RAD50: variants seen among roughly 807,000 people sequenced by gnomAD.
RAD50 encodes the protein RAD50 double strand break repair protein.
In RAD50, 132 loss-of-function variants were observed where a neutral mutation model predicts 168.8. That is an observed-to-expected ratio of 0.78 (90% CI 0.68 to 0.90). RAD50 has a LOEUF of 0.90. Among genes scored for constraint, RAD50 ranks in the 40% least tolerant of loss-of-function variants. The pLI is 0.00. For synonymous variants in RAD50, 525 were observed against 497.4 expected, an observed-to-expected ratio of 1.06 and a Z score of -0.74; for missense variants, 1,347 against 1,534.4, an observed-to-expected ratio of 0.88 and a Z score of 2.04.
intron 11 of RAD50, among the ~76,000 whole-genome samples, chr5:132,594,192 A>G (rs1410226202): frequency 1.3e-5 from 2 of 152,234 alleles, no homozygotes; most frequent in African/African-American, 4.8e-5. Flanking sequence ...AAAGTAGTAC[A>G]TATACATACA....
intron 21 of RAD50, 88 bp downstream of exon 21, chr5:132,618,382 C>A: frequency 6.5e-7 from 1 of 1,546,440 alleles, no homozygotes; most frequent in Non-Finnish European, 8.7e-7. Context: ...TTCTTTTTTT[C>A]TTTTTTATTT....
intron 21 of RAD50, among the ~76,000 whole-genome samples, chr5:132,618,499 C>T (rs572336775): frequency 5.3e-5 from 8 of 152,272 alleles, no homozygotes; most frequent in African/African-American, 1.7e-4. Context: ...CTGCCTCATC[C>T]TCCCAAGTAG....
chr5:132,628,289 G>T (rs565559805), intron 21 of RAD50, among the ~76,000 whole-genome samples: 1 of 152,220 alleles, frequency 6.6e-6, no homozygotes, highest in African/African-American at 2.4e-5. Context: ...GAAGGGAAAG[G>T]TCCCACCACT....
At chr5:132,565,365 C>T (rs1750189902) in intron 2 of RAD50, among the ~76,000 whole-genome samples, 1 of 152,086 alleles carries the variant, frequency 6.6e-6, no homozygotes, top group South Asian at 2.1e-4. Flanking sequence ...ATCAATCCTC[C>T]TGTATGTAAT....
In RAD50 at chr5:132,557,252, C is replaced by T. The variant is rs1750015648; in HGVS notation, c.-73C>T. 1.3e-6 allele frequency: 2 copies of T among 1,573,310 alleles called. No homozygotes were observed. The highest frequency in any genetic ancestry group is 1.7e-6 in the Non-Finnish European group (2 of 1,143,050). ...AGATTCGCGGGTCTCACGTCCCGTG[C>T]ACGCCTTGCTTCGGCCTCAGTTAAG... On this transcript the variant is annotated 5_prime_UTR_variant, in exon 1 of 25. Transcript: ENST00000378823.
intron 21 of RAD50, among the ~76,000 whole-genome samples, chr5:132,624,062 G>T (rs1479852650): frequency 6.6e-6 from 1 of 152,114 alleles, no homozygotes; most frequent in Non-Finnish European, 1.5e-5. Flanking sequence ...TAAGATTTTT[G>T]TTAGATTAAG....
chr5:132,565,941 T>C (rs2149833349), intron 2 of RAD50, among the ~76,000 whole-genome samples: 1 of 152,318 alleles, frequency 6.6e-6, no homozygotes, highest in Non-Finnish European at 1.5e-5. Context: ...TCAAGCTCAT[T>C]TATTCCACTC....
rs1554098238 is a variant in RAD50 at position 132,588,701 on chromosome 5, C to T, written c.1066C>T (p.Gln356Ter). ...TTTTTTAAAAGGTCGTCTACAGCTGCAAGCAGATCGCCATCAAGAACATAT... is the reference window on the plus strand; with the variant it reads ...TTTTTTAAAAGGTCGTCTACAGCTGTAAGCAGATCGCCATCAAGAACATAT... ...LLVEQGRLQLQADRHQEHIRA... is the reference protein window; with the variant it reads ...LLVEQGRLQL Residue 356 changes from glutamine (Q) to a stop codon, truncating the protein, a stop_gained, in exon 8 of 25, where the codon CAA becomes TAA. Coordinates refer to ENST00000378823, the MANE Select transcript of RAD50 (RefSeq NM_005732.4). LOFTEE classifies it high-confidence loss of function. 1.2e-6 allele frequency: 2 copies of T among 1,613,516 alleles called. No homozygotes were observed. The highest frequency in any genetic ancestry group is 1.7e-6 in the Non-Finnish European group (2 of 1,179,856).
At chr5:132,585,189 C>T (rs116730952) in intron 5 of RAD50, among the ~76,000 whole-genome samples, 11 of 152,268 alleles carry the variant, frequency 7.2e-5, no homozygotes, top group African/African-American at 2.6e-4. Flanking sequence ...CTTTAGGACT[C>T]GGGTTGCTAG....
chr5:132,605,454 C>T (rs961686543), intron 16 of RAD50, among the ~76,000 whole-genome samples: 3 of 152,128 alleles, frequency 2.0e-5, no homozygotes, highest in Non-Finnish European at 4.4e-5. Context: ...AAGCAATCCT[C>T]CTGCCTCAGC....
intron 3 of RAD50, among the ~76,000 whole-genome samples, chr5:132,576,459 G>A (rs1033593602): frequency 2.0e-5 from 3 of 152,166 alleles, no homozygotes; most frequent in Non-Finnish European, 4.4e-5. Flanking sequence ...TTAGATTCAA[G>A]TCTCTGTCTT....
At chr5:132,605,568 C>T (rs186760114) in intron 16 of RAD50, among the ~76,000 whole-genome samples, 1 of 152,282 alleles carries the variant, frequency 6.6e-6, no homozygotes, top group East Asian at 1.9e-4. Context: ...TGGTCTCAAA[C>T]TCATGGCCTC....
intron 19 of RAD50, among the ~76,000 whole-genome samples, chr5:132,610,570 A>G (rs1751067025): frequency 6.6e-6 from 1 of 152,176 alleles, no homozygotes; most frequent in African/African-American, 2.4e-5. Context: ...CCACTTGGTT[A>G]TAAGTGGTTG....
In RAD50 at chr5:132,588,877, G is replaced by A. The variant is rs1554098273; in HGVS notation, c.1242G>A (p.Leu414=). 1.9e-6 allele frequency: 3 copies of A among 1,608,846 alleles called. No individual in the cohort carries two copies. Among genetic ancestry groups the A allele is most frequent in the East Asian group, 2.2e-5 (1 of 44,840 alleles). ...QEGEAKTANQ[L]MNDFAEKETL... is the part of the protein sequence containing the mutation. ...GGGAAGCAAAAACTGCCAACCAACT[G>A]ATGGCAAGTATTTTGAAATACAGTA... Residue 414 remains leucine (L), a synonymous_variant, in exon 8 of 25, where the codon CTG becomes CTA. Transcript: ENST00000378823.
chr5:132,574,414 C>G (rs1750358899), intron 2 of RAD50, among the ~76,000 whole-genome samples: 1 of 152,212 alleles, frequency 6.6e-6, no homozygotes, highest in Admixed American at 6.5e-5. Context: ...AGTCCCTAGA[C>G]CGCACACAGC....
intron 16 of RAD50, among the ~76,000 whole-genome samples, chr5:132,607,884 T>C (rs1751013013): frequency 1.3e-5 from 2 of 152,342 alleles, no homozygotes; most frequent in South Asian, 4.1e-4. Context: ...CTCTATAGAT[T>C]CACTCAGTAC....
rs2149843709 is a variant in RAD50, at chr5:132,594,936, C to T, written c.1861C>T (p.Gln621Ter). The T allele has an allele frequency of 6.2e-7, 1 of 1,608,658 alleles. No individual in the cohort carries two copies. The highest frequency in any genetic ancestry group is 8.5e-7 in the Non-Finnish European group (1 of 1,175,134). The change falls in exon 12 of 25, where the codon CAG becomes TAG. Residue 621 changes from glutamine to a stop codon, truncating the protein, a stop_gained. Transcript: ENST00000378823. LOFTEE classifies it high-confidence loss of function. ...INNELKRKEE[Q>*]LSSYEDKLFD... ...TAATGAACTAAAAAGAAAGGAAGAG[C>T]AGTTGTCCAGTTACGAAGACAAGCT...
chr5:132,579,443 G>A lies in RAD50; in HGVS notation c.492G>A (p.Trp164Ter). The A allele has an allele frequency of 6.2e-7, 1 of 1,613,916 alleles. No homozygotes were observed. The highest frequency in any genetic ancestry group is 8.5e-7 in the Non-Finnish European group (1 of 1,179,888). The change falls in exon 4 of 25, where the codon TGG (tryptophan) becomes TGA (stop). Residue 164 changes from tryptophan (W) to a stop codon, truncating the protein, a stop_gained. Coordinates refer to ENST00000378823, the MANE Select transcript of RAD50 (RefSeq NM_005732.4). LOFTEE classifies it high-confidence loss of function. ...VIFCHQEDSN[W>*]PLSEGKALKQ... Reference sequence around the variant, plus strand: ...TCTGTCATCAAGAAGATTCTAATTGGCCTTTAAGTGAAGGAAAGGCTTTGA... The same window carrying A: ...TCTGTCATCAAGAAGATTCTAATTGACCTTTAAGTGAAGGAAAGGCTTTGA...
rs947142407 is a variant in RAD50, at chr5:132,588,741, C to G, written c.1106C>G (p.Ser369Ter). The change falls in exon 8 of 25, where the codon TCA becomes TGA. Residue 369 changes from serine (S) to a stop codon, truncating the protein, a stop_gained. Coordinates refer to ENST00000378823, the MANE Select transcript of RAD50 (RefSeq NM_005732.4). LOFTEE classifies it high-confidence loss of function. ...CAAGAACATATCCGAGCTAGAGATT[C>G]ATTAATTCAGTCTTTGGCAACACAG... ...RHQEHIRARDSLIQSLATQLE... is the reference protein window; with the variant it reads ...RHQEHIRARD The G allele has an allele frequency of 6.2e-7, 1 of 1,613,832 alleles. No individual in the cohort carries two copies. The highest frequency in any genetic ancestry group is 8.5e-7 in the Non-Finnish European group (1 of 1,179,910).
Sources: allele counts gnomAD v4.1 joint callset (sites outside exome capture counted in the v4.1 genomes callset), GRCh38; gene constraint gnomAD v4.1.1; transcripts MANE v1.5; gene names NCBI Gene and HGNC (gene_info 2026-07-23, HGNC 2026-07-21).